ZDHHC21: variants seen among roughly 807,000 people sequenced by gnomAD.
ZDHHC21 encodes palmitoyltransferase ZDHHC21.
Under a neutral mutation model 34.6 loss-of-function variants are expected in ZDHHC21, and 15 were observed. The observed-to-expected ratio is 0.43, with a 90% CI of 0.29 to 0.67. ZDHHC21 has a LOEUF of 0.67. ZDHHC21 is among the 30% of genes least tolerant of loss of function. The pLI, the probability that ZDHHC21 is intolerant of heterozygous loss-of-function variation, is 0.14. For synonymous variants in ZDHHC21, 142 were observed against 101.8 expected (o/e 1.40, Z -2.38); for missense variants, 344 against 327.7 (o/e 1.05, Z -0.38).
At chr9:14,674,532 C>A in intron 3 of ZDHHC21, 147 bp from the exon 4 acceptor site, 1 of 477,764 alleles carries the variant, frequency 2.1e-6, no homozygotes, top group Non-Finnish European at 3.6e-6. Context: ...ATTGATATTT[C>A]TTTGTATATA....
At chr9:14,592,230 A>G in the ZDHHC21 span, among the ~76,000 whole-genome samples, 222 of 152,160 alleles carry the variant, frequency 1.5e-3, 4 homozygotes, top group Non-Finnish European at 4.6e-4. Context: ...CAGTTAGTGT[A>G]ACAATTAGAA....
intron 2 of ZDHHC21, among the ~76,000 whole-genome samples, chr9:14,685,020 A>G (rs1239404580): frequency 2.6e-5 from 4 of 152,222 alleles, no homozygotes; most frequent in Admixed American, 2.6e-4. Flanking sequence ...CTGAAACTGG[A>G]TCCCTTCCTT....
intron 3 of ZDHHC21, among the ~76,000 whole-genome samples, chr9:14,675,374 G>A (rs2040089): frequency 4.0e-5 from 6 of 151,834 alleles, no homozygotes. Context: ...TAGCCTGTAA[G>A]AAAACCAAAA....
At chr9:14,593,341 G>C in the ZDHHC21 span, among the ~76,000 whole-genome samples, 1 of 152,136 alleles carries the variant, frequency 6.6e-6, no homozygotes, top group Admixed American at 6.5e-5. Context: ...AAATTGAAAG[G>C]ATTTTAAGGG....
At chr9:14,623,846 A>C (rs935540377) in intron 8 of ZDHHC21, among the ~76,000 whole-genome samples, 4 of 152,114 alleles carry the variant, frequency 2.6e-5, no homozygotes, top group Non-Finnish European at 5.9e-5. Context: ...CAAAAGGTAA[A>C]TGTTGGCAAG....
At chr9:14,590,757 C>T in the ZDHHC21 span, among the ~76,000 whole-genome samples, 2 of 152,076 alleles carry the variant, frequency 1.3e-5, no homozygotes, top group African/African-American at 2.4e-5. Flanking sequence ...AGGAAATTCT[C>T]AGACAGAAGG....
chr9:14,635,127 T>A (rs955591389), intron 8 of ZDHHC21, among the ~76,000 whole-genome samples: 1 of 152,098 alleles, frequency 6.6e-6, no homozygotes, highest in Non-Finnish European at 1.5e-5. Flanking sequence ...TAACCCAGTC[T>A]GACAAAAATA....
At chr9:14,691,808 A>G (rs1165041235) in intron 1 of ZDHHC21, among the ~76,000 whole-genome samples, 4 of 152,222 alleles carry the variant, frequency 2.6e-5, no homozygotes, top group Non-Finnish European at 5.9e-5. Context: ...ATTTTAACTT[A>G]TATTTTCATA....
At chr9:14,609,377 G>A (rs7027059), downstream of ZDHHC21, among the ~76,000 whole-genome samples, 4,108 of 152,098 alleles carry the variant, frequency 0.027, 171 homozygotes, top group African/African-American at 0.092. Context: ...ATACTTGAAG[G>A]AATGACTGAC....
At chr9:14,650,789 GTT>G (rs1246609269) in intron 7 of ZDHHC21, among the ~76,000 whole-genome samples, 5 of 151,910 alleles carry the variant, frequency 3.3e-5, no homozygotes, top group Non-Finnish European at 7.4e-5. Flanking sequence ...TAGCAGAAGA[GTT>G]GGCTAGGCTG....
At chr9:14,688,820 C>T (rs550260958) in intron 2 of ZDHHC21, among the ~76,000 whole-genome samples, 4 of 152,158 alleles carry the variant, frequency 2.6e-5, no homozygotes, top group Non-Finnish European at 5.9e-5. Context: ...CGAGATCACC[C>T]CACTGCACTC....
intron 1 of ZDHHC21, among the ~76,000 whole-genome samples, chr9:14,691,319 T>A (rs1839118409): frequency 6.6e-6 from 1 of 152,334 alleles, no homozygotes; most frequent in Middle Eastern, 3.4e-3. Context: ...ATGGCAGCAG[T>A]TTGCACTTGT....
At chr9:14,669,044 C>G (rs1377779093) in intron 5 of ZDHHC21, among the ~76,000 whole-genome samples, 5 of 134,186 alleles carry the variant, frequency 3.7e-5, no homozygotes, top group African/African-American at 1.4e-4. Flanking sequence ...GCAAAAGAAA[C>G]TACCATCAGA....
chr9:14,606,347 C>G (rs770491728), downstream of ZDHHC21, among the ~76,000 whole-genome samples: 16 of 152,182 alleles, frequency 1.1e-4, no homozygotes, highest in Admixed American at 3.3e-4. Context: ...GGGCCACTGT[C>G]TTCTAGAACC....
intron 2 of ZDHHC21, chr9:14,683,683 C>A (rs1208143986): frequency 1.3e-5 from 2 of 152,228 alleles, no homozygotes; most frequent in African/African-American, 4.8e-5. Flanking sequence ...AAGAGGGAAT[C>A]CTCTTTAACT....
At chr9:14,651,302 T>C (rs1035805127) in intron 7 of ZDHHC21, among the ~76,000 whole-genome samples, 1 of 151,918 alleles carries the variant, frequency 6.6e-6, no homozygotes, top group Non-Finnish European at 1.5e-5. Context: ...TTTTTAAATA[T>C]ATTTAATATT....
At chr9:14,682,783 A>G (rs755241649) in intron 2 of ZDHHC21, among the ~76,000 whole-genome samples, 3 of 152,172 alleles carry the variant, frequency 2.0e-5, no homozygotes, top group Admixed American at 6.5e-5. Flanking sequence ...CCACATAGTT[A>G]GAAGTAAAGC....
chr9:14,630,441 C>T (rs945838755), intron 8 of ZDHHC21, among the ~76,000 whole-genome samples: 2 of 152,200 alleles, frequency 1.3e-5, no homozygotes, highest in Admixed American at 6.5e-5. Flanking sequence ...ACCACCTCCA[C>T]TGAAGTCTTG....
At chr9:14,670,668 T>C (rs1042895233) in intron 5 of ZDHHC21, among the ~76,000 whole-genome samples, 2 of 152,132 alleles carry the variant, frequency 1.3e-5, no homozygotes, top group Non-Finnish European at 2.9e-5. Flanking sequence ...GTCATTCCTT[T>C]GATAACATGA....
Sources: allele counts gnomAD v4.1 joint callset (sites outside exome capture counted in the v4.1 genomes callset), GRCh38; gene constraint gnomAD v4.1.1; transcripts MANE v1.5; gene names NCBI Gene and HGNC (gene_info 2026-07-23, HGNC 2026-07-21).